The following GRM3 variants were observed in gnomAD, a reference collection of about 807,000 sequenced individuals.
The protein encoded by GRM3 is metabotropic glutamate receptor 3.
GRM3 carries 26 observed loss-of-function variants against 70.5 expected under a neutral mutation model. The observed-to-expected ratio is 0.37, with a 90% CI of 0.27 to 0.51. The LOEUF (loss-of-function observed/expected upper bound fraction) is 0.51, where lower values mean the gene tolerates loss of function less well. Ranked by LOEUF, GRM3 falls within the 20% of genes least tolerant of loss-of-function variation. GRM3 has a pLI of 0.93. For synonymous variants in GRM3, 443 were observed against 434.9 expected, an observed-to-expected ratio of 1.02 and a Z score of -0.23; for missense variants, 859 against 1,123.8, an observed-to-expected ratio of 0.76 and a Z score of 3.37.
chr7:86,706,635 T>C (rs1527765), intron 1 of GRM3, among the ~76,000 whole-genome samples: 14,251 of 151,812 alleles, frequency 0.094, 755 homozygotes, highest in South Asian at 0.15. Context: ...TGGAAGCATA[T>C]GGATCCGGGA....
Position 86,765,454 on chromosome 7 carries a change from C to T in GRM3, c.309C>T (p.Thr103=). The part of the protein sequence containing the change: ...VHILDTCSRD[T]YALEQSLEFV... ...TTTTGGATACATGTTCAAGGGATACCTATGCATTGGAGCAATCACTGGAGT... is the reference window on the plus strand; with the variant it reads ...TTTTGGATACATGTTCAAGGGATACTTATGCATTGGAGCAATCACTGGAGT... The change falls in exon 2 of 6, where the codon ACC becomes ACT. Residue 103 remains threonine (T), a synonymous_variant. Transcript: ENST00000361669. 1 of 1,613,818 alleles carries T rather than the reference C, an allele frequency of 6.2e-7. No homozygotes were observed. Among genetic ancestry groups the T allele is most frequent in the South Asian group, 1.1e-5 (1 of 91,066 alleles).
At chr7:86,660,989 A>C (rs1413415083) in intron 1 of GRM3, among the ~76,000 whole-genome samples, 1 of 152,020 alleles carries the variant, frequency 6.6e-6, no homozygotes, top group Non-Finnish European at 1.5e-5. Flanking sequence ...ACAAATGAAA[A>C]ATAATTCCTG....
intron 1 of GRM3, among the ~76,000 whole-genome samples, chr7:86,728,389 A>G (rs1013035982): frequency 2.0e-5 from 3 of 152,246 alleles, no homozygotes; most frequent in Non-Finnish European, 4.4e-5. Context: ...TGAACTATTC[A>G]TAGTTTTGGA....
intron 1 of GRM3, among the ~76,000 whole-genome samples, chr7:86,739,866 G>C (rs923023387): frequency 1.3e-5 from 2 of 152,144 alleles, no homozygotes; most frequent in Non-Finnish European, 1.5e-5. Context: ...CCAGTTTTGT[G>C]ATCTTCAGCA....
At chr7:86,827,762 C>G (rs13222430) in intron 3 of GRM3, among the ~76,000 whole-genome samples, 1 of 152,130 alleles carries the variant, frequency 6.6e-6, no homozygotes, top group Non-Finnish European at 1.5e-5. Context: ...GATCCACCTC[C>G]CAAAGTGCTG....
At chr7:86,644,923 C>T (rs544468739) in intron 1 of GRM3, 51 bp downstream of exon 1, 4 of 1,080,804 alleles carry the variant, frequency 3.7e-6, no homozygotes, top group African/African-American at 1.6e-5. Context: ...CCAGCCAGGG[C>T]GCGGAAGCTC....
chr7:86,778,560 C>A (rs569669262), intron 2 of GRM3, among the ~76,000 whole-genome samples: 2 of 152,230 alleles, frequency 1.3e-5, no homozygotes, highest in South Asian at 4.1e-4. Flanking sequence ...GATGTGGGGG[C>A]TCACAAGTGA....
In GRM3 at chr7:86,644,196, G is replaced by T. The variant is rs1455336867; in HGVS notation, c.-817G>T. ...GCATGCACTGCCTAAGGATTTCAGA[G>T]TGAGGCAAAGCAGTCGGCAAATCTA... On this transcript the variant is annotated 5_prime_UTR_variant, in exon 1 of 6. Coordinates refer to ENST00000361669, the MANE Select transcript of GRM3 (RefSeq NM_000840.3). 5.8e-6 allele frequency: 1 copy of T among 172,400 alleles called. No individual in the cohort carries two copies. Among genetic ancestry groups the T allele is most frequent in the African/African-American group, 2.4e-5 (1 of 41,558 alleles). The allele number at this position is 172,400 out of a possible 1,614,324, so 10.7% of individuals were successfully genotyped here.
chr7:86,727,567 CT>C (rs1233630545), intron 1 of GRM3, among the ~76,000 whole-genome samples: 2 of 152,084 alleles, frequency 1.3e-5, no homozygotes, highest in South Asian at 2.1e-4. Context: ...GGGCAGAAAC[CT>C]TTTTTTATCT....
At chr7:86,656,260 CTTT>C (rs1165969016) in intron 1 of GRM3, among the ~76,000 whole-genome samples, 89 of 83,256 alleles carry the variant, frequency 1.1e-3, no homozygotes, top group African/African-American at 4.0e-3. Context: ...ATACTATGTT[CTTT>C]TTTTTTTTTT....
chr7:86,663,870 A>G (rs1435638346), intron 1 of GRM3, among the ~76,000 whole-genome samples: 1 of 152,036 alleles, frequency 6.6e-6, no homozygotes, highest in Admixed American at 6.6e-5. Context: ...AAGGAGTTTG[A>G]TATCAGTGAC....
intron 1 of GRM3, among the ~76,000 whole-genome samples, chr7:86,764,669 T>C (rs929089052): frequency 6.6e-6 from 1 of 151,852 alleles, no homozygotes; most frequent in Non-Finnish European, 1.5e-5. Context: ...AGTAAATGAC[T>C]CAGTAGAGAG....
At chr7:86,850,285 T>A (rs1297970674) in intron 4 of GRM3, 85 bp from the exon 5 acceptor site, 14 of 856,764 alleles carry the variant, frequency 1.6e-5, no homozygotes, top group Non-Finnish European at 2.7e-5. Flanking sequence ...GGATTTTTCA[T>A]TTTGGTCTTA....
At chr7:86,710,335 G>A (rs1161332825) in intron 1 of GRM3, 2 of 151,098 alleles carry the variant, frequency 1.3e-5, no homozygotes, top group Non-Finnish European at 2.9e-5. Flanking sequence ...GCCATTCTAA[G>A]TGGTTATTCC....
intron 1 of GRM3, among the ~76,000 whole-genome samples, chr7:86,665,668 T>C (rs1348494151): frequency 1.3e-5 from 2 of 152,044 alleles, no homozygotes; most frequent in African/African-American, 4.8e-5. Context: ...ATAAACCATA[T>C]GTTATACTTC....
intron 3 of GRM3, among the ~76,000 whole-genome samples, chr7:86,825,778 A>T (rs1318533127): frequency 6.6e-6 from 1 of 152,216 alleles, no homozygotes; most frequent in Non-Finnish European, 1.5e-5. Context: ...TTTATTAAGT[A>T]TCCTTGATAC....
At chr7:86,828,080 A>C (rs139237157) in intron 3 of GRM3, among the ~76,000 whole-genome samples, 5,946 of 145,490 alleles carry the variant, frequency 0.041, 168 homozygotes, top group Non-Finnish European at 0.064. Flanking sequence ...CCACTGCACT[A>C]CAGCCTGGGC....
chr7:86,700,614 G>T (rs1028545229), intron 1 of GRM3, among the ~76,000 whole-genome samples: 2 of 151,796 alleles, frequency 1.3e-5, no homozygotes, highest in Admixed American at 1.3e-4. Context: ...TATTACTGAA[G>T]TCAGACAGTT....
At chr7:86,705,809 A>G (rs932790818) in intron 1 of GRM3, among the ~76,000 whole-genome samples, 4 of 152,070 alleles carry the variant, frequency 2.6e-5, no homozygotes, top group Non-Finnish European at 4.4e-5. Flanking sequence ...TTGCCTGATC[A>G]ATCTCATCTC....
Sources: gnomAD v4.1 joint callset for allele counts (sites outside exome capture counted in the v4.1 genomes callset) on GRCh38, gnomAD v4.1.1 for gene constraint, MANE v1.5 for transcripts, NCBI Gene and HGNC (gene_info 2026-07-23, HGNC 2026-07-21) for gene names.